The following TMOD2 variants were observed in gnomAD, a reference collection of about 807,000 sequenced individuals.
The protein encoded by TMOD2 is tropomodulin-2.
TMOD2 carries 22 observed loss-of-function variants against 39.9 expected under a neutral mutation model. That is an observed-to-expected ratio of 0.55 (90% CI 0.39 to 0.79). The LOEUF is 0.79. Ranked by LOEUF, TMOD2 falls within the 30% of genes least tolerant of loss-of-function variation. TMOD2 has a pLI of 0.00. For synonymous variants in TMOD2, 123 were observed against 146.1 expected (o/e 0.84, Z 1.14); for missense variants, 386 against 413.3 (o/e 0.93, Z 0.57).
intron 1 of TMOD2, among the ~76,000 whole-genome samples, chr15:51,759,381 A>G (rs966796598): frequency 3.3e-5 from 5 of 152,206 alleles, no homozygotes; most frequent in East Asian, 1.9e-4. Flanking sequence ...ATGAAGATAC[A>G]GATTTTGGAA....
At chr15:51,789,676 C>A (rs928765890) in intron 7 of TMOD2, among the ~76,000 whole-genome samples, 1 of 152,198 alleles carries the variant, frequency 6.6e-6, no homozygotes, top group African/African-American at 2.4e-5. Context: ...GACCACAGTG[C>A]AACCAAATTA....
At chr15:51,788,379 G>C (rs2055985537) in intron 7 of TMOD2, among the ~76,000 whole-genome samples, 4 of 152,182 alleles carry the variant, frequency 2.6e-5, no homozygotes, top group Admixed American at 2.6e-4. Flanking sequence ...TATGTGAAAA[G>C]ACCAAATCTA....
chr15:51,754,012 C>T (rs74015760), intron 1 of TMOD2, among the ~76,000 whole-genome samples: 1,615 of 152,090 alleles, frequency 0.011, 27 homozygotes, highest in African/African-American at 0.037. Flanking sequence ...TTCTTGGCTT[C>T]ACCTTCCCAA....
At chr15:51,791,521 G>C (rs1439432182) in intron 7 of TMOD2, among the ~76,000 whole-genome samples, 5 of 152,090 alleles carry the variant, frequency 3.3e-5, no homozygotes. Flanking sequence ...ACTTCATATG[G>C]AACCAAAAAA....
Position 51,773,853 on chromosome 15 carries a change from G to C in TMOD2, c.406+19G>C. 6.3e-7 allele frequency: 1 copy of C among 1,591,164 alleles called. No homozygotes were observed. The highest frequency in any genetic ancestry group is 8.5e-7 in the Non-Finnish European group (1 of 1,173,140). On this transcript the variant is annotated intron_variant, in intron 4 of 9. Coordinates refer to ENST00000249700, the MANE Select transcript of TMOD2 (RefSeq NM_014548.4). Reference sequence around the variant, plus strand: ...CTTGCAGGTTAGTCCTGAACTCTGGGAACTTTCCTGTCTGGCTCTATGACC... The same window carrying C: ...CTTGCAGGTTAGTCCTGAACTCTGGCAACTTTCCTGTCTGGCTCTATGACC...
chr15:51,782,733 C>T lies in TMOD2; in HGVS notation c.637C>T (p.Pro213Ser), dbSNP rs764059210. 1.2e-6 allele frequency: 2 copies of T among 1,613,880 alleles called. No individual in the cohort carries two copies. Among genetic ancestry groups the T allele is most frequent in the Non-Finnish European group, 1.7e-6 (2 of 1,179,776 alleles). Residue 213 changes from proline to serine, a missense_variant, in exon 7 of 10, where the codon CCA becomes TCA. By Grantham distance (74) the Pro-to-Ser change is moderately conservative (BLOSUM62 -1). Transcript: ENST00000249700. ...CTCTCTGTCTTAGAACATTCCAATTCCAACCCTGAGGGAATTTGCAAAGGC... is the reference window on the plus strand; with the variant it reads ...CTCTCTGTCTTAGAACATTCCAATTTCAACCCTGAGGGAATTTGCAAAGGC... ...NLNNIKNIPI[P>S]TLREFAKALE...
At chr15:51,779,551 T>C (rs2055915308) in intron 5 of TMOD2, among the ~76,000 whole-genome samples, 1 of 152,128 alleles carries the variant, frequency 6.6e-6, no homozygotes, top group South Asian at 2.1e-4. Flanking sequence ...CGGCTAATTT[T>C]TTTGTGTGTT....
At position 51,768,521 on chromosome 15, in the gene TMOD2, G is replaced by T. The variant is rs777110954; in HGVS notation, c.283+103G>T. 34 of 1,190,640 alleles carry T rather than the reference G, an allele frequency of 2.9e-5. No homozygotes were observed. The South Asian group carries it at 4.0e-4, about 14-fold the overall frequency. The allele number at this position is 1,190,640 out of a possible 1,614,324, so 73.8% of individuals were successfully genotyped here. A position where few individuals can be genotyped will look rare whatever the true frequency, so the allele number is the denominator to read the frequency against. The stretch of plus-strand genomic sequence containing the variant: ...GATTACCTCTTTTTATTTTATTGTC[G>T]TGGAGGATCAAGCAAGGGAACTGTC... On this transcript the variant is annotated intron_variant, in intron 3 of 9. Transcript: ENST00000249700.
chr15:51,767,679 A>G (rs931371299), intron 2 of TMOD2, among the ~76,000 whole-genome samples: 17 of 152,212 alleles, frequency 1.1e-4, no homozygotes, highest in Admixed American at 8.5e-4. Context: ...TTTTACCATA[A>G]ATAAAAATAT....
At chr15:51,788,906 C>A (rs540052697) in intron 7 of TMOD2, among the ~76,000 whole-genome samples, 5 of 152,250 alleles carry the variant, frequency 3.3e-5, no homozygotes, top group South Asian at 2.1e-4. Flanking sequence ...CAAAAACATG[C>A]CAAATTGTAA....
At chr15:51,777,053 T>A (rs1030309830) in intron 5 of TMOD2, 35 bp downstream of exon 5, 1 of 1,589,136 alleles carries the variant, frequency 6.3e-7, no homozygotes, top group African/African-American at 1.3e-5. Context: ...TTTGTAAAGC[T>A]TTGGAGCCTC....
rs2056161335 is a variant in TMOD2, at chr15:51,812,292, G to A, written c.*3838G>A. ...ACTGGCACACCAGCCCAAAGAGCAG[G>A]TGCTTCTCTTCCAACAGAAACATGG... is the stretch of plus-strand genomic sequence containing the variant. On this transcript the variant is annotated 3_prime_UTR_variant, in exon 10 of 10. Coordinates refer to ENST00000249700, the MANE Select transcript of TMOD2 (RefSeq NM_014548.4). 6.6e-6 allele frequency: 1 copy of A among 152,220 alleles called. No homozygotes were observed. Among genetic ancestry groups the A allele is most frequent in the Non-Finnish European group, 1.5e-5 (1 of 68,046 alleles). The allele number at this position is 152,220 out of a possible 1,614,324, so 9.4% of individuals were successfully genotyped here.
At position 51,774,151 on chromosome 15, in the gene TMOD2, C is replaced by G. The variant is rs980917510; in HGVS notation, c.406+317C>G. On this transcript the variant is annotated intron_variant, in intron 4 of 9. Coordinates refer to ENST00000249700, the MANE Select transcript of TMOD2 (RefSeq NM_014548.4). The stretch of plus-strand genomic sequence containing the variant: ...GCTCTTTTGCTTTCTAAGGAGCTTT[C>G]ACATTTGGCATTTTATCATCACAAC... 1.3e-5 allele frequency among the ~76,000 whole-genome samples: 2 copies of G among 152,172 alleles called. 1 individual carries two copies. Among genetic ancestry groups the G allele is most frequent in the East Asian group, 3.8e-4 (2 of 5,198 alleles).
chr15:51,800,244 A>G (rs573498215), intron 8 of TMOD2, among the ~76,000 whole-genome samples: 28 of 152,314 alleles, frequency 1.8e-4, no homozygotes, highest in Non-Finnish European at 3.7e-4. Flanking sequence ...AGCTTTTGAC[A>G]ATGCATATAA....
chr15:51,803,184 T>TTTTTTTTC (rs1567248490), intron 8 of TMOD2, among the ~76,000 whole-genome samples: 18 of 139,668 alleles, frequency 1.3e-4, no homozygotes, highest in South Asian at 2.3e-4. Flanking sequence ...TTTTTTTTTT[T>TTTTTTTTC]TTTTTTTCTT....
At chr15:51,783,794 A>ATAGATAG (rs2055950046) in intron 7 of TMOD2, 9 of 139,458 alleles carry the variant, frequency 6.5e-5, no homozygotes, top group Admixed American at 5.7e-4. Context: ...TAGATAGATA[A>ATAGATAG]AAGAAAAATA....
chr15:51,762,148 CAA>C (rs567619134), intron 1 of TMOD2, among the ~76,000 whole-genome samples: 17 of 124,186 alleles, frequency 1.4e-4, no homozygotes, highest in Admixed American at 1.7e-4. Context: ...GACTCTGCCT[CAA>C]AAAAAAAAAA....
At chr15:51,789,848 A>G (rs2055997800) in intron 7 of TMOD2, among the ~76,000 whole-genome samples, 1 of 152,280 alleles carries the variant, frequency 6.6e-6, no homozygotes, top group African/African-American at 2.4e-5. Flanking sequence ...TCTCTGGGAC[A>G]CATTTAAAGC....
chr15:51,803,514 A>G (rs1379785041), intron 8 of TMOD2, among the ~76,000 whole-genome samples: 1 of 152,158 alleles, frequency 6.6e-6, no homozygotes, highest in Non-Finnish European at 1.5e-5. Context: ...TTCATTCCAG[A>G]TGAAATGAAG....
Sources: allele counts gnomAD v4.1 joint callset (sites outside exome capture counted in the v4.1 genomes callset), GRCh38; gene constraint gnomAD v4.1.1; transcripts MANE v1.5; gene names NCBI Gene and HGNC (gene_info 2026-07-23, HGNC 2026-07-21).